Variants in SGSM1 observed in about 807,000 individuals in gnomAD.
The protein encoded by SGSM1 is small G protein signaling modulator 1, also known as RUN and TBC1 domain containing 2.
In SGSM1, 73 loss-of-function variants were observed where a neutral mutation model predicts 133.8. The observed-to-expected ratio is 0.55, with a 90% confidence interval of 0.45 to 0.66. The LOEUF (loss-of-function observed/expected upper bound fraction) is 0.66. SGSM1 is among the 30% of genes least tolerant of loss of function. SGSM1 has a pLI of 0.00. For synonymous variants in SGSM1, 563 were observed against 573.0 expected (o/e 0.98, Z 0.25); for missense variants, 1,213 against 1,448.1 (o/e 0.84, Z 2.64).
intron 2 of SGSM1, among the ~76,000 whole-genome samples, chr22:24,840,623 G>A (rs1034938838): frequency 4.6e-5 from 7 of 152,174 alleles, no homozygotes; most frequent in Admixed American, 2.0e-4. Context: ...GATTACAGGT[G>A]TGAGCCACCA....
At chr22:24,880,991 G>A (rs948488826) in intron 14 of SGSM1, among the ~76,000 whole-genome samples, 34 of 151,880 alleles carry the variant, frequency 2.2e-4, no homozygotes, top group Admixed American at 1.7e-3. Flanking sequence ...AGGAGTTCGA[G>A]ACCAGCCTGG....
rs1454144948 is a variant in SGSM1, at chr22:24,806,321, G to C, written c.-5G>C. Reference sequence around the variant, plus strand: ...CCTGGGACTCGGAACGCAGCGCTCGGAGCCATGGCCTCGGCCCCCGCGGGT... The same window carrying C: ...CCTGGGACTCGGAACGCAGCGCTCGCAGCCATGGCCTCGGCCCCCGCGGGT... On this transcript the variant is annotated 5_prime_UTR_variant, in exon 1 of 25. Coordinates refer to ENST00000400358, the MANE Select transcript of SGSM1 (RefSeq NM_001098497.3). 1 of 1,466,242 alleles carries C rather than the reference G, an allele frequency of 6.8e-7. No individual in the cohort carries two copies. Among genetic ancestry groups the C allele is most frequent in the Admixed American group, 2.7e-5 (1 of 37,000 alleles). The allele number at this position is 1,466,242 out of a possible 1,614,324, so 90.8% of individuals were successfully genotyped here.
chr22:24,882,029 C>A (rs1433628452), intron 14 of SGSM1, among the ~76,000 whole-genome samples: 1 of 151,942 alleles, frequency 6.6e-6, no homozygotes, highest in Non-Finnish European at 1.5e-5. Context: ...CCTTTTTAAT[C>A]CAGCTTCAAT....
intron 12 of SGSM1, chr22:24,874,381 C>T: frequency 6.3e-7 from 1 of 1,580,842 alleles, no homozygotes; most frequent in Non-Finnish European, 8.6e-7. Flanking sequence ...GCAGAACCCC[C>T]ACCTCACTGG....
intron 5 of SGSM1, among the ~76,000 whole-genome samples, chr22:24,852,964 G>C (rs897180525): frequency 3.1e-4 from 47 of 152,356 alleles, no homozygotes; most frequent in Non-Finnish European, 5.9e-5. Context: ...GTTGATGGAA[G>C]ACTCTTGGGG....
chr22:24,924,478 T>G lies in SGSM1; in HGVS notation c.*204T>G. 1.8e-6 allele frequency: 1 copy of G among 557,102 alleles called. No individual in the cohort carries two copies. The allele number at this position is 557,102 out of a possible 1,614,324, so 34.5% of individuals were successfully genotyped here. ...AGTACCCCTTCAATTCAGCCTTACA[T>G]TTTCCTGTTTGACCAAAGATTGCCC... On this transcript the variant is annotated 3_prime_UTR_variant, in exon 25 of 25. Transcript: ENST00000400358.
At chr22:24,817,587 G>A (rs559236737) in intron 2 of SGSM1, among the ~76,000 whole-genome samples, 12 of 152,162 alleles carry the variant, frequency 7.9e-5, no homozygotes, top group African/African-American at 1.2e-4. Context: ...TACTGACCTC[G>A]CGATCTTCCC....
intron 2 of SGSM1, among the ~76,000 whole-genome samples, chr22:24,841,141 T>G (rs5760695): frequency 2.0e-5 from 3 of 152,178 alleles, no homozygotes; most frequent in Non-Finnish European, 2.9e-5. Flanking sequence ...TGAGCCACCG[T>G]GCCCTGCTGT....
chr22:24,909,371 A>T (rs1933534280), intron 21 of SGSM1, among the ~76,000 whole-genome samples: 1 of 152,194 alleles, frequency 6.6e-6, no homozygotes, highest in Non-Finnish European at 1.5e-5. Flanking sequence ...TCACGGGTTG[A>T]TAAGAATATG....
At chr22:24,867,039 C>T (rs1309940818) in intron 9 of SGSM1, 54 bp from the exon 10 acceptor site, 21 of 1,577,694 alleles carry the variant, frequency 1.3e-5, no homozygotes, top group Middle Eastern at 1.7e-4. Context: ...TGAGCCCCTC[C>T]GCACAGTGGG....
chr22:24,860,945 A>G (rs1362931084), intron 9 of SGSM1, among the ~76,000 whole-genome samples: 3 of 138,052 alleles, frequency 2.2e-5, no homozygotes, highest in Admixed American at 7.4e-5. Flanking sequence ...ATATATATAT[A>G]TATAATTTTG....
Position 24,806,427 on chromosome 22 carries a change from T to G in SGSM1, c.20-14T>G. On this transcript the variant is annotated splice_polypyrimidine_tract_variant and intron_variant, in intron 1 of 24. Transcript: ENST00000400358. ...CTCTCGGCTGACCCGCGGCTCTCGT[T>G]TCTTGTCCCACAGAGGCGGAGACCC... 6.6e-7 allele frequency: 1 copy of G among 1,523,252 alleles called. No homozygotes were observed. Among genetic ancestry groups the G allele is most frequent in the East Asian group, 2.7e-5 (1 of 36,412 alleles). The allele number at this position is 1,523,252 out of a possible 1,614,324, so 94.4% of individuals were successfully genotyped here.
intron 2 of SGSM1, among the ~76,000 whole-genome samples, chr22:24,842,697 G>T (rs776278403): frequency 1.2e-4 from 19 of 152,166 alleles, no homozygotes; most frequent in Non-Finnish European, 2.2e-4. Flanking sequence ...CCAAGCAGGG[G>T]AATTTGATGT....
At chr22:24,912,054 TAAAAA>T (rs747171190) in intron 21 of SGSM1, among the ~76,000 whole-genome samples, 50 of 90,514 alleles carry the variant, frequency 5.5e-4, no homozygotes, top group Admixed American at 1.8e-3. Context: ...GATTCTGTCT[TAAAAA>T]AAAAGGAAAA....
chr22:24,866,699 C>A (rs1931478074), intron 9 of SGSM1, among the ~76,000 whole-genome samples: 1 of 152,210 alleles, frequency 6.6e-6, no homozygotes, highest in Non-Finnish European at 1.5e-5. Flanking sequence ...ATCTCTTTCC[C>A]AGTCATTCAA....
At chr22:24,920,439 G>A (rs1437095742) in intron 24 of SGSM1, among the ~76,000 whole-genome samples, 3 of 152,292 alleles carry the variant, frequency 2.0e-5, no homozygotes, top group Admixed American at 6.5e-5. Flanking sequence ...TCTGATCCAG[G>A]CTCCTGGGAG....
At chr22:24,916,373 G>A (rs1306908238) in intron 22 of SGSM1, among the ~76,000 whole-genome samples, 1 of 152,100 alleles carries the variant, frequency 6.6e-6, no homozygotes, top group Admixed American at 6.6e-5. Flanking sequence ...TATCCTGTAT[G>A]TATGATGCAT....
At chr22:24,904,039 G>C (rs1001643545) in intron 20 of SGSM1, among the ~76,000 whole-genome samples, 2 of 151,456 alleles carry the variant, frequency 1.3e-5, no homozygotes, top group African/African-American at 2.4e-5. Context: ...TTAGCATAGA[G>C]GCTAAGATCA....
chr22:24,816,214 C>G (rs1401628069), intron 2 of SGSM1, among the ~76,000 whole-genome samples: 1 of 152,126 alleles, frequency 6.6e-6, no homozygotes, highest in Non-Finnish European at 1.5e-5. Context: ...CTGCTTTTTA[C>G]TGACAAGGAA....
Sources: allele counts gnomAD v4.1 joint callset (sites outside exome capture counted in the v4.1 genomes callset), GRCh38; gene constraint gnomAD v4.1.1; transcripts MANE v1.5; gene names NCBI Gene and HGNC (gene_info 2026-07-23, HGNC 2026-07-21).